Variants in ITGA2 observed in about 807,000 individuals in gnomAD.
The protein encoded by ITGA2 is integrin subunit alpha 2.
ITGA2 carries 101 observed loss-of-function variants against 146.3 expected under a neutral mutation model. The ratio of observed to expected loss-of-function variants is 0.69; its 90% confidence interval spans 0.59 to 0.81. ITGA2 has a LOEUF of 0.81. Among genes scored for constraint, ITGA2 ranks in the 40% least tolerant of loss-of-function variants. ITGA2 has a pLI of 0.00. For missense variants in ITGA2, 1,281 were observed against 1,402.7 expected (o/e 0.91, Z 1.39); for synonymous variants, 477 against 487.1 (o/e 0.98, Z 0.27).
In ITGA2 at chr5:53,081,627, A is replaced by G. The variant is rs1745921497; in HGVS notation, c.3075A>G (p.Pro1025=). The change falls in exon 26 of 30, where the codon CCA becomes CCG. Residue 1025 remains proline (P), a synonymous_variant. Coordinates refer to ENST00000296585, the MANE Select transcript of ITGA2 (RefSeq NM_002203.4). ...GDISCNADIN[P]LKIGQTSSSV... is the part of the protein sequence containing the mutation. ...TCAGTTGTAATGCAGATATCAATCC[A>G]CTGAAAATAGGACAAACATCTTCTT... 1 of 1,613,074 alleles carries G rather than the reference A, an allele frequency of 6.2e-7. No homozygotes were observed. Among genetic ancestry groups the G allele is most frequent in the African/African-American group, 1.3e-5 (1 of 74,888 alleles).
Position 53,034,695 on chromosome 5 carries a change from A to T in ITGA2, c.186-7417A>T, listed in dbSNP as rs189484350. On this transcript the variant is annotated intron_variant, in intron 2 of 29. Coordinates refer to ENST00000296585, the MANE Select transcript of ITGA2 (RefSeq NM_002203.4). The stretch of plus-strand genomic sequence containing the variant: ...GTTTCTGGAATAAAGTTCATTTACA[A>T]AGGTGACTGGGACTTACACACACAC... Among the ~76,000 whole-genome samples, 6 of 152,284 alleles carry T rather than the reference A, an allele frequency of 3.9e-5. No homozygotes were observed. The East Asian group carries it at 9.6e-4, about 24-fold the overall frequency.
intron 6 of ITGA2, among the ~76,000 whole-genome samples, chr5:53,049,372 C>A (rs1053966688): frequency 1.3e-5 from 2 of 152,122 alleles, no homozygotes; most frequent in African/African-American, 4.8e-5. Flanking sequence ...CCATGAGTTA[C>A]ATTTTAAAAT....
Position 53,065,038 on chromosome 5 carries a change from C to T in ITGA2, c.1729C>T (p.Pro577Ser). 6.2e-7 allele frequency: 1 copy of T among 1,612,812 alleles called. No individual in the cohort carries two copies. Among genetic ancestry groups the T allele is most frequent in the Middle Eastern group, 1.7e-4 (1 of 6,052 alleles). Residue 577 changes from proline to serine, a missense_variant, in exon 14 of 30, where the codon CCA becomes TCA. Transcript: ENST00000296585. Reference sequence around the variant, plus strand: ...CTTTAATGATGTGATTGTTGGTTCACCACTAGAAAATCAGAATTCTGGAGC... The same window carrying T: ...CTTTAATGATGTGATTGTTGGTTCATCACTAGAAAATCAGAATTCTGGAGC... ...DGFNDVIVGS[P>S]LENQNSGAVY... is the part of the protein sequence containing the mutation.
chr5:52,989,831 CACACAG>C lies in ITGA2; in HGVS notation c.64+303_64+308del, dbSNP rs776561216. ...ACACACACGCACACACACACACACA[CACACAG>C]ACAGACACGCACGCACTCAAGCATG... On this transcript the variant is annotated intron_variant, in intron 1 of 29. Transcript: ENST00000296585. 4.5e-4 allele frequency among the ~76,000 whole-genome samples: 65 copies of C among 144,336 alleles called. No individual in the cohort carries two copies. The Middle Eastern group carries it at 0.011, about 25-fold the overall frequency. The allele number at this position is 144,336 out of a possible 152,430, so 94.7% of individuals were successfully genotyped here.
chr5:53,086,698 G>A (rs1746172952), intron 27 of ITGA2, among the ~76,000 whole-genome samples: 1 of 152,146 alleles, frequency 6.6e-6, no homozygotes, highest in Non-Finnish European at 1.5e-5. Context: ...ACTCATGTCT[G>A]GATCCCACCC....
intron 17 of ITGA2, 78 bp from the exon 18 acceptor site, chr5:53,071,860 T>G: frequency 2.0e-6 from 2 of 986,242 alleles, no homozygotes; most frequent in Non-Finnish European, 3.2e-6. Context: ...TTTGGAATCA[T>G]TTTCTTGTTT....
chr5:52,995,168 A>G (rs1011054830), intron 1 of ITGA2, among the ~76,000 whole-genome samples: 3 of 152,182 alleles, frequency 2.0e-5, no homozygotes, highest in African/African-American at 7.2e-5. Context: ...GTGAAAGCTG[A>G]GTTGCAGCCA....
intron 16 of ITGA2, among the ~76,000 whole-genome samples, chr5:53,069,123 T>C (rs569019509): frequency 6.6e-6 from 1 of 151,836 alleles, no homozygotes; most frequent in East Asian, 1.9e-4. Flanking sequence ...CTTTAAAATA[T>C]TGAAAATAAT....
intron 29 of ITGA2, 88 bp from the exon 30 acceptor site, chr5:53,090,431 A>G: frequency 9.6e-7 from 1 of 1,036,874 alleles, no homozygotes; most frequent in Non-Finnish European, 1.5e-6. Context: ...CCAGAGGTGC[A>G]TCAGAGGACG....
At chr5:53,066,917 G>A (rs1314713674) in intron 15 of ITGA2, among the ~76,000 whole-genome samples, 1 of 151,732 alleles carries the variant, frequency 6.6e-6, no homozygotes, top group Non-Finnish European at 1.5e-5. Context: ...TATTGTGTTA[G>A]TGATGCAGTC....
At chr5:53,029,918 A>G (rs577909027) in intron 2 of ITGA2, among the ~76,000 whole-genome samples, 139 of 152,372 alleles carry the variant, frequency 9.1e-4, no homozygotes, top group Middle Eastern at 3.4e-3. Flanking sequence ...CCACTGTTCT[A>G]GTTCATAGAC....
chr5:53,030,431 G>A (rs1168306449), intron 2 of ITGA2, among the ~76,000 whole-genome samples: 1 of 152,184 alleles, frequency 6.6e-6, no homozygotes, highest in African/African-American at 2.4e-5. Flanking sequence ...CTGGCAAGGT[G>A]TAGCACTGAG....
chr5:53,076,158 C>A (rs1329464576), intron 23 of ITGA2, among the ~76,000 whole-genome samples: 1 of 152,002 alleles, frequency 6.6e-6, no homozygotes, highest in Non-Finnish European at 1.5e-5. Flanking sequence ...AGGTGATGCC[C>A]TCCTACAGGC....
intron 12 of ITGA2, among the ~76,000 whole-genome samples, chr5:53,062,017 C>G (rs886581045): frequency 2.0e-5 from 3 of 151,808 alleles, no homozygotes; most frequent in African/African-American, 7.3e-5. Flanking sequence ...TTAGTCATTT[C>G]TAAATCCTCA....
At chr5:53,039,739 C>CAAAAAAAA in intron 2 of ITGA2, among the ~76,000 whole-genome samples, 1 of 33,280 alleles carries the variant, frequency 3.0e-5, no homozygotes, top group Non-Finnish European at 5.4e-5. Context: ...GACTCCATCT[C>CAAAAAAAA]AAAAAAAAAA....
chr5:53,024,678 G>A (rs1009800591), intron 1 of ITGA2, among the ~76,000 whole-genome samples: 5 of 152,228 alleles, frequency 3.3e-5, no homozygotes, highest in African/African-American at 1.2e-4. Flanking sequence ...TGCCGTATTA[G>A]GTGAGGATGT....
intron 16 of ITGA2, among the ~76,000 whole-genome samples, chr5:53,067,834 C>T (rs1400183786): frequency 6.6e-6 from 1 of 151,884 alleles, no homozygotes; most frequent in Non-Finnish European, 1.5e-5. Context: ...GGGCAAGCAT[C>T]AGCAGGAATT....
At chr5:53,048,209 T>C (rs549071774) in intron 4 of ITGA2, among the ~76,000 whole-genome samples, 154 bp from the exon 5 acceptor site, 1 of 152,338 alleles carries the variant, frequency 6.6e-6, no homozygotes, top group South Asian at 2.1e-4. Context: ...TCACTTCTGC[T>C]TTCCCCGAAG....
chr5:53,016,377 G>C (rs1399622411), intron 1 of ITGA2, among the ~76,000 whole-genome samples: 3 of 152,142 alleles, frequency 2.0e-5, no homozygotes, highest in African/African-American at 7.2e-5. Flanking sequence ...TTCTTGGTTG[G>C]AATTGCTTTT....
Sources: allele counts gnomAD v4.1 joint callset (sites outside exome capture counted in the v4.1 genomes callset), GRCh38; gene constraint gnomAD v4.1.1; transcripts MANE v1.5; gene names NCBI Gene and HGNC (gene_info 2026-07-23, HGNC 2026-07-21).